The following KCNT1 variants were observed in gnomAD, a reference collection of about 807,000 sequenced individuals.
The protein encoded by KCNT1 is potassium sodium-activated channel subfamily T member 1.
Under a neutral mutation model 147.8 loss-of-function variants are expected in KCNT1, and 78 were observed. That is an observed-to-expected ratio of 0.53 (90% CI 0.44 to 0.64). The LOEUF (loss-of-function observed/expected upper bound fraction) is 0.64. KCNT1 is among the 30% of genes least tolerant of loss of function. KCNT1 has a pLI of 0.00. For missense variants in KCNT1, 1,419 were observed against 1,750.3 expected (o/e 0.81, Z 3.38); for synonymous variants, 867 against 748.8 (o/e 1.16, Z -2.58).
chr9:135,748,810 T>C (rs1008540552), intron 2 of KCNT1, among the ~76,000 whole-genome samples: 4 of 152,190 alleles, frequency 2.6e-5, no homozygotes, highest in Non-Finnish European at 4.4e-5. Context: ...GGACTGCGTG[T>C]TCTGCCCCCA....
Position 135,784,051 on chromosome 9 carries a change from G to T in KCNT1, c.2869G>T (p.Ala957Ser), listed in dbSNP as rs1277322108. ...KRERENGSNL[A>S]FMFRLPFAAG... ...GGAGCGAGAGAATGGCTCCAACCTGGCCTTCATGTTCCGCCTGCCGTTCGC... is the reference window on the plus strand; with the variant it reads ...GGAGCGAGAGAATGGCTCCAACCTGTCCTTCATGTTCCGCCTGCCGTTCGC... Residue 957 changes from alanine to serine, a missense_variant, in exon 25 of 31, where the codon GCC becomes TCC. Around this residue, in one of 5 missense-constraint regions of KCNT1, gnomAD observed 247 missense variants for 397.1 expected, o/e 0.62. Coordinates refer to ENST00000371757, the MANE Select transcript of KCNT1 (RefSeq NM_020822.3). The T allele has an allele frequency of 1.2e-6, 2 of 1,606,208 alleles. No individual in the cohort carries two copies. The highest frequency in any genetic ancestry group is 1.7e-6 in the Non-Finnish European group (2 of 1,179,962).
At chr9:135,786,564 G>A in intron 29 of KCNT1, 43 bp downstream of exon 29, 2 of 1,504,634 alleles carry the variant, frequency 1.3e-6, no homozygotes, top group Non-Finnish European at 1.8e-6. Context: ...GGACGGACTG[G>A]GCCAGGGTCG....
chr9:135,713,130 G>A lies in KCNT1; in HGVS notation c.111-1447G>A, dbSNP rs190354575. On this transcript the variant is annotated intron_variant, in intron 1 of 30. Transcript: ENST00000371757. ...AGGAGGCAGCCACGCCTGAGGAGCC[G>A]GCAGTCTCTTGGGGTTTTGCCATTG... Among the ~76,000 whole-genome samples, 298 of 152,294 alleles carry A rather than the reference G, an allele frequency of 2.0e-3. 2 individuals carry two copies. Among genetic ancestry groups the A allele is most frequent in the African/African-American group, 6.7e-3 (277 of 41,548 alleles).
intron 11 of KCNT1, among the ~76,000 whole-genome samples, chr9:135,762,265 G>A (rs1309781171): frequency 6.6e-6 from 1 of 152,198 alleles, no homozygotes; most frequent in Non-Finnish European, 1.5e-5. Flanking sequence ...GCAACGTAGA[G>A]AGACTCCCAT....
Position 135,784,825 on chromosome 9 carries a change from C to G in KCNT1, c.3092C>G (p.Ser1031Cys), listed in dbSNP as rs750371003. Reference sequence around the variant, plus strand: ...GGCCGCCTCTTCCAGAAGCTCTGCTCCTCCAGCGCCGAGATCCCCATTGGC... The same window carrying G: ...GGCCGCCTCTTCCAGAAGCTCTGCTGCTCCAGCGCCGAGATCCCCATTGGC... ...TYGRLFQKLC[S>C]SSAEIPIGIY... The change falls in exon 27 of 31, where the codon TCC (serine) becomes TGC (cysteine). Residue 1031 changes from serine to cysteine, a missense_variant. This residue lies in a region of KCNT1 where 247 missense variants were observed against 397.1 expected (regional missense o/e 0.62). Transcript: ENST00000371757. The G allele has an allele frequency of 1.2e-6, 2 of 1,612,748 alleles. No homozygotes were observed. Among genetic ancestry groups the G allele is most frequent in the African/African-American group, 2.7e-5 (2 of 74,930 alleles).
chr9:135,757,087 T>TCCCCCC, intron 7 of KCNT1, 69 bp from the exon 8 acceptor site: 1 of 444,196 alleles, frequency 2.3e-6, no homozygotes, highest in Admixed American at 3.6e-5. Flanking sequence ...TTCCCCACCC[T>TCCCCCC]GCCCCTCCCC....
At chr9:135,709,128 G>T (rs143685153) in intron 1 of KCNT1, among the ~76,000 whole-genome samples, 10 of 152,210 alleles carry the variant, frequency 6.6e-5, no homozygotes, top group Admixed American at 4.6e-4. Context: ...AGTGTGTGGG[G>T]ACAGTCTCTA....
intron 19 of KCNT1, among the ~76,000 whole-genome samples, chr9:135,774,354 T>C (rs1364750790): frequency 6.8e-6 from 1 of 146,732 alleles, no homozygotes; most frequent in Non-Finnish European, 1.5e-5. Flanking sequence ...CCGTGTGTGG[T>C]GCGTGTTGTG....
At chr9:135,703,443 G>A (rs768004025) in intron 1 of KCNT1, among the ~76,000 whole-genome samples, 25 of 152,216 alleles carry the variant, frequency 1.6e-4, no homozygotes, top group Non-Finnish European at 3.5e-4. Context: ...GGCTGGAGAG[G>A]AGGTTCCCAG....
intron 24 of KCNT1, among the ~76,000 whole-genome samples, chr9:135,782,008 G>A (rs1375160877): frequency 3.3e-5 from 5 of 152,230 alleles, no homozygotes; most frequent in Non-Finnish European, 7.3e-5. Context: ...GAGGTCAGGA[G>A]TTCGAGACCA....
In KCNT1 at chr9:135,741,978, CCTCT is replaced by C. The variant is rs531385573; in HGVS notation, c.255-8114_255-8111del. Among the ~76,000 whole-genome samples the C allele has an allele frequency of 7.2e-5, 11 of 152,278 alleles. No individual in the cohort carries two copies. In the South Asian group the frequency reaches 1.5e-3, roughly 20 times the overall value. On this transcript the variant is annotated intron_variant, in intron 2 of 30. Transcript: ENST00000371757. Reference sequence around the variant, plus strand: ...CTCTGGAGCCCTCAGCTCCCATCAGCCTCTCTCTCCGAGTTCCGAATCCAGTGCA... The same window carrying C: ...CTCTGGAGCCCTCAGCTCCCATCAGCCTCTCCGAGTTCCGAATCCAGTGCA...
chr9:135,738,978 T>G (rs1429881662), intron 2 of KCNT1, among the ~76,000 whole-genome samples: 1 of 152,076 alleles, frequency 6.6e-6, no homozygotes, highest in African/African-American at 2.4e-5. Context: ...CCCCGCTGCA[T>G]CAGGAGGCCC....
chr9:135,721,731 G>C (rs545161776), intron 2 of KCNT1, among the ~76,000 whole-genome samples: 1 of 152,240 alleles, frequency 6.6e-6, no homozygotes, highest in African/African-American at 2.4e-5. Flanking sequence ...TGAGTGAAAT[G>C]CATGTCATGA....
chr9:135,743,564 C>G (rs935205085), intron 2 of KCNT1, among the ~76,000 whole-genome samples: 1 of 152,220 alleles, frequency 6.6e-6, no homozygotes, highest in African/African-American at 2.4e-5. Context: ...TCTTCCCAGC[C>G]TGGGGCCCCA....
chr9:135,753,668 G>A (rs925126976), intron 4 of KCNT1: 11 of 561,930 alleles, frequency 2.0e-5, no homozygotes, highest in African/African-American at 1.9e-4. Flanking sequence ...CGCAGATGTG[G>A]GATGTACCCT....
chr9:135,763,143 C>T (rs1832027727), intron 11 of KCNT1, among the ~76,000 whole-genome samples: 1 of 152,236 alleles, frequency 6.6e-6, no homozygotes. Context: ...GGTGCTCAAA[C>T]CTGACCCAGG....
chr9:135,784,547 G>A lies in KCNT1; in HGVS notation c.2956G>A (p.Asp986Asn). ...DTLLYQSFVK[D>N]YMITITRLLL... ...CCTCCCTGGCCAGTCCTTCGTGAAG[G>A]ACTACATGATCACCATCACCCGGCT... Residue 986 changes from aspartate (D) to asparagine (N), a missense_variant, in exon 26 of 31, where the codon GAC (aspartate) becomes AAC (asparagine). Physicochemically the swap from Asp to Asn is conservative, Grantham distance 23 (BLOSUM62 1). This residue lies in a region of KCNT1 where 247 missense variants were observed against 397.1 expected (regional missense o/e 0.62). Transcript: ENST00000371757. The A allele has an allele frequency of 1.5e-6, 2 of 1,345,810 alleles. No homozygotes were observed. Among genetic ancestry groups the A allele is most frequent in the Non-Finnish European group, 2.0e-6 (2 of 1,021,518 alleles). 83.4% of individuals were successfully genotyped at this position (1,345,810 alleles called of 1,614,324 possible). A position where few individuals can be genotyped will look rare whatever the true frequency, so the allele number is the denominator to read the frequency against.
intron 2 of KCNT1, among the ~76,000 whole-genome samples, chr9:135,732,017 G>T (rs1411000458): frequency 8.6e-5 from 11 of 127,636 alleles, no homozygotes; most frequent in African/African-American, 1.8e-4. Flanking sequence ...GAGAGAGAGA[G>T]AGAGAGAGAG....
At chr9:135,768,757 C>T in intron 14 of KCNT1, 72 bp from the exon 15 acceptor site, 1 of 1,544,566 alleles carries the variant, frequency 6.5e-7, no homozygotes, top group Non-Finnish European at 8.8e-7. Flanking sequence ...AGACCTGCCC[C>T]AGGCTGCCGG....
Sources: gnomAD v4.1 joint callset for allele counts (sites outside exome capture counted in the v4.1 genomes callset) on GRCh38, gnomAD v4.1.1 for gene constraint, gnomAD v4.1.1 regional missense constraint, MANE v1.5 for transcripts, NCBI Gene and HGNC (gene_info 2026-07-23, HGNC 2026-07-21) for gene names.